The following ADAM18 variants were observed in gnomAD, a reference collection of about 807,000 sequenced individuals.
The protein encoded by ADAM18 is disintegrin and metalloproteinase domain-containing protein 18.
ADAM18 carries 117 observed loss-of-function variants against 94.4 expected under a neutral mutation model. That is an observed-to-expected ratio of 1.24 (90% confidence interval 1.07 to 1.45). The LOEUF (loss-of-function observed/expected upper bound fraction) is 1.45, where lower values mean the gene tolerates loss of function less well. ADAM18 is among the 40% of genes most tolerant of loss of function. The probability of loss-of-function intolerance (pLI) is 0.00; values close to 1 mark genes in which losing one functional copy is unlikely to be tolerated. For synonymous variants in ADAM18, 327 were observed against 291.6 expected (o/e 1.12, Z -1.24); for missense variants, 936 against 880.0 (o/e 1.06, Z -0.81).
rs376244860 is a variant in ADAM18 at position 39,614,759 on chromosome 8, G to A, written c.522+4053G>A. The stretch of plus-strand genomic sequence containing the variant: ...ACCCATAGATTCAAAGCAAGAGATG[G>A]AGAAAAATCTACCAAGCAAACTGAA... On this transcript the variant is annotated intron_variant, in intron 6 of 19. Transcript: ENST00000265707. Among the ~76,000 whole-genome samples, 15 of 152,278 alleles carry A rather than the reference G, an allele frequency of 9.9e-5. No homozygotes were observed. The East Asian group carries it at 2.1e-3, about 22-fold the overall frequency.
Position 39,638,487 on chromosome 8 carries a change from G to A in ADAM18, c.850G>A (p.Val284Met). 6 of 1,566,966 alleles carry A rather than the reference G, an allele frequency of 3.8e-6. No homozygotes were observed. The South Asian group carries it at 7.4e-5, about 19-fold the overall frequency. The change falls in exon 10 of 20, where the codon GTG (valine) becomes ATG (methionine). Residue 284 changes from valine (V) to methionine (M), a missense_variant. Transcript: ENST00000265707. ...TAGTTACAGGAAACATCCTAAATAT[G>A]TGGGAGCAACATTTCCTGGCACTGT... ...LLVYRKHPKY[V>M]GATFPGTVCN... is the part of the protein sequence containing the mutation.
chr8:39,727,923 C>A (rs1365138618), intron 19 of ADAM18, among the ~76,000 whole-genome samples: 1 of 152,142 alleles, frequency 6.6e-6, no homozygotes, highest in African/African-American at 2.4e-5. Context: ...AGAAAAGGGA[C>A]TTAATCGGCT....
At chr8:39,682,033 A>T (rs936007280) in intron 16 of ADAM18, among the ~76,000 whole-genome samples, 1 of 152,222 alleles carries the variant, frequency 6.6e-6, no homozygotes, top group East Asian at 1.9e-4. Context: ...CTATCAGGAA[A>T]ACATGGTCAA....
rs143327161 is a variant in ADAM18 at position 39,628,686 on chromosome 8, T to C, written c.523-688T>C. Reference sequence around the variant, plus strand: ...AAGAAATTTCTCTGAAGTTTCTATATGTGAGAAGGCACTTCAGCTTGTTAG... The same window carrying C: ...AAGAAATTTCTCTGAAGTTTCTATACGTGAGAAGGCACTTCAGCTTGTTAG... On this transcript the variant is annotated intron_variant, in intron 6 of 19. Coordinates refer to ENST00000265707, the MANE Select transcript of ADAM18 (RefSeq NM_014237.3). Among the ~76,000 whole-genome samples, 1,085 of 152,194 alleles carry C rather than the reference T, an allele frequency of 7.1e-3. 13 individuals are homozygous for C. Among genetic ancestry groups the C allele is most frequent in the African/African-American group, 0.025 (1,026 of 41,568 alleles).
chr8:39,694,626 A>G (rs1439278283), intron 17 of ADAM18, among the ~76,000 whole-genome samples: 1 of 151,500 alleles, frequency 6.6e-6, no homozygotes, highest in African/African-American at 2.4e-5. Context: ...TTTCAGAGCA[A>G]CGTTTGGTTT....
At chr8:39,594,793 GTTTTTTTTTT>G (rs71237182) in intron 2 of ADAM18, among the ~76,000 whole-genome samples, 2 of 46,848 alleles carry the variant, frequency 4.3e-5, no homozygotes, top group African/African-American at 8.2e-5. Flanking sequence ...TTTGCTGTGA[GTTTTTTTTTT>G]TTTTTTTTTT....
intron 6 of ADAM18, among the ~76,000 whole-genome samples, chr8:39,617,778 G>A (rs1819487432): frequency 6.6e-6 from 1 of 152,158 alleles, no homozygotes; most frequent in Non-Finnish European, 1.5e-5. Flanking sequence ...ATAAGTGGGA[G>A]GTAAACATCG....
At chr8:39,623,138 T>C (rs1819661289) in intron 6 of ADAM18, among the ~76,000 whole-genome samples, 1 of 152,194 alleles carries the variant, frequency 6.6e-6, no homozygotes, top group Admixed American at 6.5e-5. Flanking sequence ...CCTGAGTTAC[T>C]TCACTTAGAA....
intron 2 of ADAM18, among the ~76,000 whole-genome samples, chr8:39,594,178 G>A (rs536551689): frequency 3.3e-5 from 5 of 152,138 alleles, no homozygotes; most frequent in South Asian, 2.1e-4. Flanking sequence ...TTACATGTAC[G>A]TAACTTTTCA....
intron 7 of ADAM18, among the ~76,000 whole-genome samples, chr8:39,632,264 G>A (rs931220728): frequency 4.0e-5 from 6 of 151,850 alleles, no homozygotes; most frequent in Admixed American, 1.3e-4. Flanking sequence ...GCAGTACAAT[G>A]TTAAATAGAC....
intron 14 of ADAM18, among the ~76,000 whole-genome samples, chr8:39,669,184 C>T (rs1352138053): frequency 6.6e-6 from 1 of 151,056 alleles, no homozygotes; most frequent in Admixed American, 6.6e-5. Flanking sequence ...TAAGTAGCGT[C>T]TACAATATAT....
intron 13 of ADAM18, 91 bp downstream of exon 13, chr8:39,663,981 T>C (rs1820923698): frequency 1.8e-5 from 15 of 823,372 alleles, no homozygotes; most frequent in Non-Finnish European, 2.1e-5. Context: ...AAAAAGAATA[T>C]ATAAGGAATT....
At chr8:39,621,356 C>T (rs1033169370) in intron 6 of ADAM18, among the ~76,000 whole-genome samples, 2 of 146,422 alleles carry the variant, frequency 1.4e-5, no homozygotes, top group African/African-American at 5.1e-5. Context: ...CACACACACA[C>T]ACTGTACCCA....
chr8:39,726,585 C>T (rs959812220), intron 19 of ADAM18, among the ~76,000 whole-genome samples: 3 of 152,046 alleles, frequency 2.0e-5, no homozygotes, highest in African/African-American at 7.2e-5. Flanking sequence ...CTGCTTCTAT[C>T]GCATGTGCTT....
At chr8:39,707,460 C>T (rs149392398) in intron 18 of ADAM18, among the ~76,000 whole-genome samples, 14 of 152,196 alleles carry the variant, frequency 9.2e-5, no homozygotes, top group Non-Finnish European at 2.1e-4. Flanking sequence ...ATGTCTTCTA[C>T]TTACAAATTT....
At chr8:39,678,119 T>C (rs993705133) in intron 15 of ADAM18, among the ~76,000 whole-genome samples, 2 of 151,904 alleles carry the variant, frequency 1.3e-5, no homozygotes, top group South Asian at 4.1e-4. Context: ...TCATTGAAAA[T>C]TAAAGAGCCA....
At chr8:39,711,506 A>C (rs1209557866) in intron 18 of ADAM18, among the ~76,000 whole-genome samples, 1 of 152,180 alleles carries the variant, frequency 6.6e-6, no homozygotes, top group Admixed American at 6.5e-5. Context: ...CAGAGAACTA[A>C]AGAAAATCAA....
At chr8:39,698,712 T>A (rs999780398) in intron 17 of ADAM18, among the ~76,000 whole-genome samples, 1 of 152,052 alleles carries the variant, frequency 6.6e-6, no homozygotes, top group African/African-American at 2.4e-5. Context: ...GGCTTTATAG[T>A]TTTCTCTTGG....
chr8:39,601,271 C>A (rs1195972626), intron 2 of ADAM18, among the ~76,000 whole-genome samples: 1 of 152,222 alleles, frequency 6.6e-6, no homozygotes, highest in Non-Finnish European at 1.5e-5. Context: ...ATCACTGCTG[C>A]ACTGTCTTCT....
Sources: gnomAD v4.1 joint callset for allele counts (sites outside exome capture counted in the v4.1 genomes callset) on GRCh38, gnomAD v4.1.1 for gene constraint, MANE v1.5 for transcripts, NCBI Gene and HGNC (gene_info 2026-07-23, HGNC 2026-07-21) for gene names.